The following CNTNAP2 variants were observed in gnomAD, a reference collection of about 807,000 sequenced individuals.
CNTNAP2 encodes contactin associated protein 2, also known as contactin-associated protein-like 2.
Under a neutral mutation model 155.2 loss-of-function variants are expected in CNTNAP2, and 98 were observed. The observed-to-expected ratio is 0.63, with a 90% CI of 0.54 to 0.75. The LOEUF is 0.75. Ranked by LOEUF, CNTNAP2 falls within the 30% of genes least tolerant of loss-of-function variation. The probability of loss-of-function intolerance (pLI) is 0.00; values close to 1 mark genes in which losing one functional copy is unlikely to be tolerated. For missense variants in CNTNAP2, 1,727 were observed against 1,688.1 expected, an observed-to-expected ratio of 1.02 and a Z score of -0.40; for synonymous variants, 651 against 631.2, an observed-to-expected ratio of 1.03 and a Z score of -0.47.
At chr7:146,779,370 A>G (rs895117541) in intron 2 of CNTNAP2, among the ~76,000 whole-genome samples, 1 of 152,230 alleles carries the variant, frequency 6.6e-6, no homozygotes, top group African/African-American at 2.4e-5. Flanking sequence ...CTAAAGTAGC[A>G]TAGCTAGGGA....
At chr7:147,924,931 C>G (rs1181616505) in intron 14 of CNTNAP2, among the ~76,000 whole-genome samples, 1 of 151,840 alleles carries the variant, frequency 6.6e-6, no homozygotes, top group African/African-American at 2.4e-5. Context: ...TCCTGGCTAA[C>G]ACGATGAAAT....
At chr7:148,051,762 A>G (rs1158885468) in intron 15 of CNTNAP2, among the ~76,000 whole-genome samples, 1 of 152,260 alleles carries the variant, frequency 6.6e-6, no homozygotes, top group Non-Finnish European at 1.5e-5. Flanking sequence ...CCAAAGAATT[A>G]CAGACTTCAA....
chr7:148,352,440 G>A (rs944339524), intron 21 of CNTNAP2, among the ~76,000 whole-genome samples: 18 of 152,336 alleles, frequency 1.2e-4, no homozygotes, highest in African/African-American at 2.6e-4. Context: ...CAGCCTTTGC[G>A]TGGACAACTT....
rs893308267 is a variant in CNTNAP2 at position 146,781,989 on chromosome 7, C to T, written c.208+7608C>T. Among the ~76,000 whole-genome samples, 6 of 152,142 alleles carry T rather than the reference C, an allele frequency of 3.9e-5. No individual in the cohort carries two copies. In the East Asian group the frequency reaches 5.8e-4, roughly 15 times the overall value. On this transcript the variant is annotated intron_variant, in intron 2 of 23. Coordinates refer to ENST00000361727, the MANE Select transcript of CNTNAP2 (RefSeq NM_014141.6). ...TTGTTACACATGGCCCACTCATGACCGCCCGAATCAGCCACAGTAGGCGGT... is the reference window on the plus strand; with the variant it reads ...TTGTTACACATGGCCCACTCATGACTGCCCGAATCAGCCACAGTAGGCGGT...
chr7:146,859,655 G>A (rs1045121240), intron 3 of CNTNAP2, among the ~76,000 whole-genome samples: 13 of 148,468 alleles, frequency 8.8e-5, no homozygotes, highest in Non-Finnish European at 1.6e-4. Context: ...GTGAAATTCC[G>A]TCTCAAAAAA....
rs978871369 is a variant in CNTNAP2 at position 146,897,443 on chromosome 7, C to T, written c.402+57539C>T. Reference sequence around the variant, plus strand: ...GTCAGTAATTTAAAATATTTTAAGACTCTAGGCCAAACAAAGCTCTTTATG... The same window carrying T: ...GTCAGTAATTTAAAATATTTTAAGATTCTAGGCCAAACAAAGCTCTTTATG... On this transcript the variant is annotated intron_variant, in intron 3 of 23. Transcript: ENST00000361727. 3.9e-5 allele frequency among the ~76,000 whole-genome samples: 6 copies of T among 152,064 alleles called. No homozygotes were observed. In the East Asian group the frequency reaches 9.6e-4, roughly 24 times the overall value.
At chr7:147,961,690 C>T (rs1263169573) in intron 14 of CNTNAP2, among the ~76,000 whole-genome samples, 1 of 152,150 alleles carries the variant, frequency 6.6e-6, no homozygotes, top group African/African-American at 2.4e-5. Flanking sequence ...AGATTATTCT[C>T]ATTGGTAATT....
At chr7:148,355,187 T>TTTTTTTG (rs1798491544) in intron 21 of CNTNAP2, among the ~76,000 whole-genome samples, 1 of 115,762 alleles carries the variant, frequency 8.6e-6, no homozygotes, top group Non-Finnish European at 1.8e-5. Flanking sequence ...TTTTTTTTTT[T>TTTTTTTG]TTTTTTTTTT....
intron 10 of CNTNAP2, among the ~76,000 whole-genome samples, chr7:147,478,972 C>CT (rs1378426054): frequency 1.3e-5 from 2 of 152,212 alleles, no homozygotes; most frequent in African/African-American, 4.8e-5. Flanking sequence ...AGGCTAGATA[C>CT]TTGAGCAAGA....
Position 147,562,160 on chromosome 7 carries a change from A to G in CNTNAP2, c.1800A>G (p.Glu600=). The change falls in exon 12 of 24, where the codon GAA becomes GAG. Residue 600 remains glutamate (E), a synonymous_variant. Coordinates refer to ENST00000361727, the MANE Select transcript of CNTNAP2 (RefSeq NM_014141.6). ...CHNSIYEPSC[E]AYKHLGQTSN... is the part of the protein sequence containing the mutation. The stretch of plus-strand genomic sequence containing the variant: ...TAGCTATCTACGAGCCTTCCTGTGA[A>G]GCCTACAAACACCTAGGACAGACAT... 2 of 1,614,012 alleles carry G rather than the reference A, an allele frequency of 1.2e-6. No individual in the cohort carries two copies. Among genetic ancestry groups the G allele is most frequent in the East Asian group, 2.2e-5 (1 of 44,858 alleles).
intron 1 of CNTNAP2, among the ~76,000 whole-genome samples, chr7:146,209,390 C>T (rs925653842): frequency 1.3e-5 from 2 of 152,182 alleles, no homozygotes; most frequent in African/African-American, 4.8e-5. Context: ...TCTTATGCAA[C>T]ATCAGCTATC....
At chr7:146,585,041 T>C (rs1007385340) in intron 1 of CNTNAP2, among the ~76,000 whole-genome samples, 1 of 152,208 alleles carries the variant, frequency 6.6e-6, no homozygotes, top group African/African-American at 2.4e-5. Flanking sequence ...ATTCAGTTCA[T>C]GCGTTGAATC....
intron 3 of CNTNAP2, among the ~76,000 whole-genome samples, chr7:147,041,323 C>T (rs532013418): frequency 2.6e-5 from 4 of 152,128 alleles, no homozygotes; most frequent in South Asian, 2.1e-4. Flanking sequence ...ATTCATTTTA[C>T]CAATAAGCGC....
chr7:147,812,750 AAAATGCTTGTTTCATCGGAGAATTTTGGC>A (rs1310538890), intron 13 of CNTNAP2, among the ~76,000 whole-genome samples: 4 of 152,182 alleles, frequency 2.6e-5, no homozygotes, highest in African/African-American at 9.7e-5. Flanking sequence ...TTCTTTTTAA[AAAATGCTTGTTTCATCGGAGAATTTTGGC>A]TGGCTATGGG....
At chr7:146,721,685 TTCTA>T (rs1801324402) in intron 1 of CNTNAP2, among the ~76,000 whole-genome samples, 1 of 113,416 alleles carries the variant, frequency 8.8e-6, no homozygotes, top group Non-Finnish European at 1.6e-5. Flanking sequence ...ACTATATACA[TTCTA>T]TATATATATT....
intron 8 of CNTNAP2, among the ~76,000 whole-genome samples, chr7:147,233,235 C>T (rs776167270): frequency 1.4e-4 from 22 of 152,114 alleles, no homozygotes; most frequent in Non-Finnish European, 2.2e-4. Flanking sequence ...GGTTAACAAA[C>T]GTTCCCTATT....
chr7:147,803,025 A>G (rs1432689518), intron 13 of CNTNAP2, among the ~76,000 whole-genome samples: 2 of 152,194 alleles, frequency 1.3e-5, no homozygotes, highest in Non-Finnish European at 1.5e-5. Flanking sequence ...ATGGAATAAT[A>G]ATGAACAAGA....
intron 15 of CNTNAP2, among the ~76,000 whole-genome samples, chr7:148,048,371 T>TA (rs1320079773): frequency 2.0e-5 from 3 of 152,138 alleles, no homozygotes; most frequent in Non-Finnish European, 4.4e-5. Context: ...ATGTTCAATT[T>TA]AAAAATGAAA....
At chr7:147,000,979 T>C (rs1028886087) in intron 3 of CNTNAP2, among the ~76,000 whole-genome samples, 1 of 152,094 alleles carries the variant, frequency 6.6e-6, no homozygotes, top group Non-Finnish European at 1.5e-5. Flanking sequence ...TCAGAGATCA[T>C]GCAGGTCTAC....
Sources: gnomAD v4.1 joint callset for allele counts (sites outside exome capture counted in the v4.1 genomes callset) on GRCh38, gnomAD v4.1.1 for gene constraint, MANE v1.5 for transcripts, NCBI Gene and HGNC (gene_info 2026-07-23, HGNC 2026-07-21) for gene names.